Variants in CADPS2 observed in about 807,000 individuals in gnomAD.
CADPS2 encodes calcium dependent secretion activator 2.
In CADPS2, 93 loss-of-function variants were observed where a neutral mutation model predicts 172.5. That is an observed-to-expected ratio of 0.54 (90% CI 0.46 to 0.64). The LOEUF (loss-of-function observed/expected upper bound fraction) is 0.64, where lower values mean the gene tolerates loss of function less well. Ranked by LOEUF, CADPS2 falls within the 30% of genes least tolerant of loss-of-function variation. The probability of loss-of-function intolerance (pLI) is 0.00; values close to 1 mark genes in which losing one functional copy is unlikely to be tolerated. For missense variants in CADPS2, 1,420 were observed against 1,565.9 expected (o/e 0.91, Z 1.57); for synonymous variants, 546 against 555.2 (o/e 0.98, Z 0.23).
chr7:122,497,091 T>C (rs2058793696), intron 9 of CADPS2, among the ~76,000 whole-genome samples: 1 of 152,132 alleles, frequency 6.6e-6, no homozygotes, highest in Admixed American at 6.6e-5. Context: ...AAAAATCTGA[T>C]ACTGCTTTTT....
intron 7 of CADPS2, among the ~76,000 whole-genome samples, chr7:122,572,493 T>C (rs1401811656): frequency 1.3e-5 from 2 of 152,166 alleles, no homozygotes; most frequent in Non-Finnish European, 2.9e-5. Context: ...GAAATGTTTT[T>C]ATAGCAAAAT....
intron 8 of CADPS2, among the ~76,000 whole-genome samples, chr7:122,524,087 T>A (rs781010823): frequency 3.9e-5 from 6 of 152,202 alleles, no homozygotes; most frequent in Non-Finnish European, 8.8e-5. Context: ...GACATTTTTG[T>A]GAGATACTCT....
At chr7:122,569,880 T>C (rs1482397636) in intron 7 of CADPS2, among the ~76,000 whole-genome samples, 1 of 141,566 alleles carries the variant, frequency 7.1e-6, no homozygotes, top group Non-Finnish European at 1.5e-5. Flanking sequence ...CAAAAATCAA[T>C]TCAAGATGGA....
chr7:122,717,244 T>C (rs1410993318), intron 2 of CADPS2, among the ~76,000 whole-genome samples: 1 of 152,150 alleles, frequency 6.6e-6, no homozygotes, highest in African/African-American at 2.4e-5. Flanking sequence ...AGTTATCTCA[T>C]CTTCTCAATT....
intron 3 of CADPS2, among the ~76,000 whole-genome samples, chr7:122,634,556 C>G (rs2076880192): frequency 6.6e-6 from 1 of 152,014 alleles, no homozygotes; most frequent in Non-Finnish European, 1.5e-5. Context: ...TTGTACGTAT[C>G]CTTCTTTGTT....
chr7:122,477,719 TAG>T (rs1352063123), intron 12 of CADPS2, among the ~76,000 whole-genome samples: 4 of 152,180 alleles, frequency 2.6e-5, no homozygotes, highest in Admixed American at 1.3e-4. Flanking sequence ...GGGATACATA[TAG>T]ACAGTAAAAT....
chr7:122,387,069 T>C lies in CADPS2; in HGVS notation c.3269A>G (p.Lys1090Arg). The C allele has an allele frequency of 1.3e-6, 2 of 1,560,740 alleles. No homozygotes were observed. The highest frequency in any genetic ancestry group is 1.2e-5 in the South Asian group (1 of 84,944). The part of the protein sequence containing the change: ...CTMFNVLVDA[K>R]KQSTKLCALD... ...GGCACAGAGTTTGGTGCTTTGCTTT[T>C]TGGCATCGACTAATACATTAAACAT... The change falls in exon 24 of 30, where the codon AAA becomes AGA. Residue 1090 changes from lysine (K) to arginine (R), a missense_variant. Coordinates refer to ENST00000449022, the MANE Select transcript of CADPS2 (RefSeq NM_017954.11).
chr7:122,780,242 GA>G (rs1329859497), intron 1 of CADPS2, among the ~76,000 whole-genome samples: 5 of 151,656 alleles, frequency 3.3e-5, no homozygotes, highest in Non-Finnish European at 5.9e-5. Flanking sequence ...TGATTCCATT[GA>G]AGGTCCTTTA....
intron 1 of CADPS2, among the ~76,000 whole-genome samples, chr7:122,867,917 C>T (rs1199599785): frequency 6.6e-6 from 1 of 152,086 alleles, no homozygotes; most frequent in Non-Finnish European, 1.5e-5. Context: ...GGGAATGGGC[C>T]TCTTCATACC....
rs1020556215 is a variant in CADPS2 at position 122,332,706 on chromosome 7, C to T, written c.3613-7125G>A. The stretch of plus-strand genomic sequence containing the variant: ...GATATTTCCAGATGAATTAGATCCT[C>T]TTCAGTTACATAACACAATAAGTTC... On this transcript the variant is annotated intron_variant, in intron 28 of 29. Coordinates refer to ENST00000449022, the MANE Select transcript of CADPS2 (RefSeq NM_017954.11). Among the ~76,000 whole-genome samples the T allele has an allele frequency of 3.9e-5, 6 of 152,156 alleles. No homozygotes were observed. In the East Asian group the frequency reaches 9.6e-4, roughly 24 times the overall value.
At chr7:122,629,546 C>T (rs556030133) in intron 3 of CADPS2, among the ~76,000 whole-genome samples, 1 of 152,204 alleles carries the variant, frequency 6.6e-6, no homozygotes, top group South Asian at 2.1e-4. Flanking sequence ...TGTGGTTTTA[C>T]TCACAAAACC....
intron 20 of CADPS2, chr7:122,395,522 G>A (rs906848182): frequency 6.6e-6 from 1 of 152,132 alleles, no homozygotes; most frequent in Non-Finnish European, 1.5e-5. Flanking sequence ...CGAGCTAGAA[G>A]GTACTATAGC....
chr7:122,850,230 A>G, intron 1 of CADPS2: 1 of 1,054,996 alleles, frequency 9.5e-7, no homozygotes, highest in Non-Finnish European at 1.3e-6. Context: ...ACAGGGACCC[A>G]GAGGCCCCCT....
At chr7:122,854,500 C>T (rs542474312) in intron 1 of CADPS2, among the ~76,000 whole-genome samples, 30 of 152,312 alleles carry the variant, frequency 2.0e-4, no homozygotes, top group Admixed American at 5.2e-4. Context: ...ACTGAGGTGT[C>T]AACTCAAAGA....
intron 1 of CADPS2, among the ~76,000 whole-genome samples, chr7:122,795,481 C>T (rs1796165843): frequency 6.6e-6 from 1 of 151,908 alleles, no homozygotes; most frequent in Admixed American, 6.6e-5. Context: ...TAAAAGCAAA[C>T]TGAATCCGGC....
chr7:122,692,697 C>T lies in CADPS2; in HGVS notation c.454-29128G>A, dbSNP rs531648986. Among the ~76,000 whole-genome samples the T allele has an allele frequency of 5.9e-5, 9 of 152,352 alleles. No homozygotes were observed. The South Asian group carries it at 1.9e-3, about 32-fold the overall frequency. The stretch of plus-strand genomic sequence containing the variant: ...GTTCATGAGTACACCAAACGTCATG[C>T]CCAGGGTCCAGCCCCTGCTGAGGTC... On this transcript the variant is annotated intron_variant, in intron 2 of 29. Transcript: ENST00000449022.
chr7:122,551,551 G>T (rs17381596), intron 8 of CADPS2, among the ~76,000 whole-genome samples: 30,543 of 151,902 alleles, frequency 0.2, 4,063 homozygotes, highest in Non-Finnish European at 0.3. Context: ...TCTATTTGAC[G>T]TCCACATTAT....
intron 23 of CADPS2, among the ~76,000 whole-genome samples, 153 bp downstream of exon 23, chr7:122,388,430 G>T (rs190996399): frequency 6.6e-6 from 1 of 152,164 alleles, no homozygotes; most frequent in Non-Finnish European, 1.5e-5. Context: ...TGGGTCCCCA[G>T]AATTTAATCA....
chr7:122,751,224 G>A (rs893504469), intron 1 of CADPS2, among the ~76,000 whole-genome samples: 2 of 152,016 alleles, frequency 1.3e-5, no homozygotes, highest in African/African-American at 4.8e-5. Flanking sequence ...AGGGTTCCTC[G>A]AGCCTTGGAT....
Sources: gnomAD v4.1 joint callset for allele counts (sites outside exome capture counted in the v4.1 genomes callset) on GRCh38, gnomAD v4.1.1 for gene constraint, MANE v1.5 for transcripts, NCBI Gene and HGNC (gene_info 2026-07-23, HGNC 2026-07-21) for gene names.